PRKCH: variants seen among roughly 807,000 people sequenced by gnomAD.
PRKCH encodes protein kinase C eta, also known as protein kinase C eta type.
PRKCH carries 28 observed loss-of-function variants against 82.5 expected under a neutral mutation model. The ratio of observed to expected loss-of-function variants is 0.34; its 90% CI spans 0.25 to 0.47. The LOEUF (loss-of-function observed/expected upper bound fraction) is 0.47, where lower values mean the gene tolerates loss of function less well. Among genes scored for constraint, PRKCH ranks in the 20% least tolerant of loss-of-function variants. The pLI, the probability that PRKCH is intolerant of heterozygous loss-of-function variation, is 1.00. For synonymous variants in PRKCH, 322 were observed against 327.4 expected (o/e 0.98, Z 0.18); for missense variants, 705 against 881.8 (o/e 0.80, Z 2.54).
intron 1 of PRKCH, among the ~76,000 whole-genome samples, chr14:61,225,741 C>CT (rs199858394): frequency 0.45 from 65,869 of 147,744 alleles, 15,445 homozygotes; most frequent in African/African-American, 0.62. Context: ...GGAAGATATA[C>CT]TTTTTTTTTT....
intron 1 of PRKCH, among the ~76,000 whole-genome samples, chr14:61,273,515 C>T (rs191698358): frequency 6.6e-6 from 1 of 152,264 alleles, no homozygotes; most frequent in African/African-American, 2.4e-5. Context: ...AAAATGTGAA[C>T]ATTCATTAAC....
intron 10 of PRKCH, among the ~76,000 whole-genome samples, chr14:61,516,588 T>G (rs1160720115): frequency 6.6e-6 from 1 of 152,186 alleles, no homozygotes; most frequent in Non-Finnish European, 1.5e-5. Context: ...CTGGGCCCTT[T>G]GGTTGCAAAA....
At chr14:61,430,024 C>T (rs539712557) in intron 2 of PRKCH, among the ~76,000 whole-genome samples, 1 of 152,242 alleles carries the variant, frequency 6.6e-6, no homozygotes, top group Admixed American at 6.5e-5. Flanking sequence ...AAAGAGTTAT[C>T]AGGTAAATTC....
chr14:61,397,886 A>G (rs2140212724), intron 2 of PRKCH, among the ~76,000 whole-genome samples: 1 of 152,328 alleles, frequency 6.6e-6, no homozygotes, highest in East Asian at 1.9e-4. Context: ...CAAAACCTGC[A>G]GTGAGGGGTC....
chr14:61,271,030 C>T (rs1487087459), intron 1 of PRKCH, among the ~76,000 whole-genome samples: 3 of 152,180 alleles, frequency 2.0e-5, no homozygotes, highest in Non-Finnish European at 4.4e-5. Context: ...CTTAGACTCC[C>T]TGGCAACCTT....
intron 1 of PRKCH, among the ~76,000 whole-genome samples, chr14:61,245,284 G>A (rs1180251124): frequency 1.3e-5 from 2 of 152,148 alleles, no homozygotes; most frequent in South Asian, 2.1e-4. Flanking sequence ...AGGCAATCAG[G>A]TAGCCCTAAG....
rs540702333 is a variant in PRKCH, at chr14:61,367,259, C to T, written c.364-23966C>T. 3.9e-5 allele frequency among the ~76,000 whole-genome samples: 6 copies of T among 152,102 alleles called. No individual in the cohort carries two copies. The East Asian group carries it at 1.2e-3, about 29-fold the overall frequency. On this transcript the variant is annotated intron_variant, in intron 1 of 13. Transcript: ENST00000332981. ...TTCTCAAAGGGATGTGCATCTGCCC[C>T]TAACCCAATCTAAATGCCTGACTCA...
intron 1 of PRKCH, among the ~76,000 whole-genome samples, chr14:61,350,817 A>C (rs2046064325): frequency 6.6e-6 from 1 of 152,180 alleles, no homozygotes; most frequent in African/African-American, 2.4e-5. Flanking sequence ...AGTCCCCAAT[A>C]ACTTTGCTGT....
chr14:61,315,287 G>A (rs190945413), intron 1 of PRKCH, among the ~76,000 whole-genome samples: 201 of 152,178 alleles, frequency 1.3e-3, no homozygotes, highest in African/African-American at 4.7e-3. Flanking sequence ...CCTACTATCC[G>A]TTAGAATCAT....
chr14:61,205,769 G>C (rs1010797073), intron 1 of PRKCH, among the ~76,000 whole-genome samples: 1 of 152,178 alleles, frequency 6.6e-6, no homozygotes, highest in African/African-American at 2.4e-5. Flanking sequence ...GGTAGTCGGT[G>C]GTGAATATGC....
intron 7 of PRKCH, among the ~76,000 whole-genome samples, chr14:61,453,905 G>A (rs1005682117): frequency 2.6e-5 from 4 of 151,304 alleles, no homozygotes; most frequent in Admixed American, 1.3e-4. Context: ...CGATCCTCTC[G>A]CTTTGGCCTC....
intron 1 of PRKCH, among the ~76,000 whole-genome samples, chr14:61,342,543 A>C (rs1264500588): frequency 6.6e-6 from 1 of 152,326 alleles, no homozygotes; most frequent in African/African-American, 2.4e-5. Context: ...ACTGGGCTTC[A>C]TCACTATGTT....
At chr14:61,397,501 A>T (rs186703997) in intron 2 of PRKCH, among the ~76,000 whole-genome samples, 3 of 152,248 alleles carry the variant, frequency 2.0e-5, no homozygotes, top group African/African-American at 7.2e-5. Flanking sequence ...GAAAACCAGC[A>T]AGGCTGACCA....
At chr14:61,292,773 A>G (rs1045166678) in intron 1 of PRKCH, among the ~76,000 whole-genome samples, 23 of 126,752 alleles carry the variant, frequency 1.8e-4, no homozygotes, top group Admixed American at 3.5e-4. Flanking sequence ...TCCATCTCCA[A>G]AAAAAAAAAA....
intron 9 of PRKCH, among the ~76,000 whole-genome samples, chr14:61,481,924 C>T (rs1365680188): frequency 6.6e-6 from 1 of 151,364 alleles, no homozygotes. Context: ...TACAATTTTA[C>T]TTCTGATGAT....
intron 9 of PRKCH, among the ~76,000 whole-genome samples, chr14:61,484,230 T>A (rs1886106434): frequency 1.3e-5 from 2 of 150,412 alleles, no homozygotes; most frequent in South Asian, 4.2e-4. Flanking sequence ...TGACCAGATA[T>A]CACGCTTCCT....
intron 9 of PRKCH, among the ~76,000 whole-genome samples, chr14:61,481,228 G>T (rs1361224208): frequency 6.6e-6 from 1 of 152,186 alleles, no homozygotes; most frequent in Non-Finnish European, 1.5e-5. Context: ...GTAAACATTT[G>T]TCTTTGTTCA....
intron 1 of PRKCH, among the ~76,000 whole-genome samples, chr14:61,291,803 A>G (rs940443482): frequency 6.6e-6 from 1 of 152,110 alleles, no homozygotes; most frequent in Non-Finnish European, 1.5e-5. Flanking sequence ...GGTTTCTTAT[A>G]AGCTTTTGTG....
chr14:61,356,984 A>C (rs1308267271), intron 1 of PRKCH, among the ~76,000 whole-genome samples: 3 of 152,152 alleles, frequency 2.0e-5, no homozygotes, highest in Admixed American at 6.5e-5. Context: ...ACCTGGCCTT[A>C]TTTAGTTCTT....
Sources: allele counts gnomAD v4.1 joint callset (sites outside exome capture counted in the v4.1 genomes callset), GRCh38; gene constraint gnomAD v4.1.1; transcripts MANE v1.5; gene names NCBI Gene and HGNC (gene_info 2026-07-23, HGNC 2026-07-21).